The following PHF24 variants were observed in gnomAD, a reference collection of about 807,000 sequenced individuals.
PHF24 encodes Galpha inhibitory interacting protein.
A neutral mutation model predicts 42.6 loss-of-function variants in PHF24; 25 were observed. The ratio of observed to expected loss-of-function variants is 0.59; its 90% confidence interval spans 0.43 to 0.82. PHF24 has a LOEUF of 0.82. Ranked by LOEUF, PHF24 falls within the 40% of genes least tolerant of loss-of-function variation. PHF24 has a pLI of 0.00. For synonymous variants in PHF24, 185 were observed against 204.8 expected (o/e 0.90, Z 0.83); for missense variants, 470 against 538.1 (o/e 0.87, Z 1.25).
chr9:34,683,181 C>T, the PHF24 span, among the ~76,000 whole-genome samples: 1 of 152,024 alleles, frequency 6.6e-6, no homozygotes, highest in Non-Finnish European at 1.5e-5. Context: ...CTGCCTCAGC[C>T]TCCCAAGTAG....
At chr9:34,680,864 C>T in the PHF24 span, 1 of 152,108 alleles carries the variant, frequency 6.6e-6, no homozygotes, top group Admixed American at 6.5e-5. Context: ...TTCACTGACT[C>T]CTCTTTTCTT....
At chr9:34,770,051 GATTA>G in the PHF24 span, among the ~76,000 whole-genome samples, 2 of 152,068 alleles carry the variant, frequency 1.3e-5, no homozygotes, top group Admixed American at 6.6e-5. Flanking sequence ...TAAAATAAAG[GATTA>G]ATTTATTCTA....
At chr9:34,710,596 G>A in the PHF24 span, among the ~76,000 whole-genome samples, 1 of 151,184 alleles carries the variant, frequency 6.6e-6, no homozygotes, top group Non-Finnish European at 1.5e-5. Context: ...ACCTCCCCAG[G>A]AGCTGGGACT....
rs554068867 is a variant in PHF24 at position 34,958,701 on chromosome 9, G to A, written c.-5+300G>A. ...GGGACTGGCCCCAGAGAGCCCTTCT[G>A]TGTCACTGTGGGAGCAGGCACAAGG... is the stretch of plus-strand genomic sequence containing the variant. On this transcript the variant is annotated intron_variant, in intron 1 of 7. Coordinates refer to ENST00000242315, the Ensembl canonical transcript of PHF24. The surrounding 1 kb of genome is among the most constrained non-coding windows in gnomAD (Gnocchi z 4.5). Among the ~76,000 whole-genome samples the A allele has an allele frequency of 6.9e-4, 105 of 152,308 alleles. No individual in the cohort carries two copies. The South Asian group carries it at 0.017, about 24-fold the overall frequency.
chr9:34,922,201 C>T, the PHF24 span: 1 of 1,590,018 alleles, frequency 6.3e-7, no homozygotes, highest in African/African-American at 1.3e-5. Context: ...TCCCCTCCTT[C>T]TCCTGCTTCA....
the PHF24 span, among the ~76,000 whole-genome samples, chr9:34,804,713 C>A: frequency 6.6e-6 from 1 of 152,164 alleles, no homozygotes; most frequent in Non-Finnish European, 1.5e-5. Flanking sequence ...ATTTATTGAG[C>A]TATAATATAC....
the PHF24 span, among the ~76,000 whole-genome samples, chr9:34,742,811 A>G: frequency 6.6e-6 from 1 of 152,180 alleles, no homozygotes; most frequent in Non-Finnish European, 1.5e-5. Context: ...GCATTTTAAA[A>G]TAGTCACACT....
chr9:34,949,686 C>T, the PHF24 span, among the ~76,000 whole-genome samples: 5 of 152,142 alleles, frequency 3.3e-5, no homozygotes, highest in South Asian at 2.1e-4. Flanking sequence ...AGAATGAGTT[C>T]GTGTCCTTTG....
At chr9:34,689,311 A>G in the PHF24 span, among the ~76,000 whole-genome samples, 77 of 152,138 alleles carry the variant, frequency 5.1e-4, no homozygotes, top group Non-Finnish European at 9.8e-4. This position sits in a 1 kb window ranked among gnomAD's most constrained non-coding sequence, Gnocchi z 4.1. Context: ...AGTGTCGCTG[A>G]ACTATGGAAA....
the PHF24 span, among the ~76,000 whole-genome samples, chr9:34,913,906 G>T: frequency 6.6e-6 from 1 of 152,158 alleles, no homozygotes; most frequent in African/African-American, 2.4e-5. Context: ...GTGGGAGAAG[G>T]AGTGTTAAAA....
At chr9:34,690,381 T>C in the PHF24 span, 3 of 1,601,416 alleles carry the variant, frequency 1.9e-6, no homozygotes, top group South Asian at 2.2e-5. Flanking sequence ...ACAGGGACCC[T>C]TGAGGGTGGC....
the PHF24 span, among the ~76,000 whole-genome samples, chr9:34,796,422 T>TAA: frequency 3.8e-4 from 58 of 150,900 alleles, no homozygotes; most frequent in South Asian, 1.3e-3. Context: ...TTAAAAAATT[T>TAA]AAAAAAAAAC....
the PHF24 span, among the ~76,000 whole-genome samples, chr9:34,912,733 A>G: frequency 2.0e-5 from 3 of 152,250 alleles, no homozygotes; most frequent in African/African-American, 7.2e-5. Context: ...TAAAATAACA[A>G]CAACCAACAT....
chr9:34,891,892 C>G, the PHF24 span, among the ~76,000 whole-genome samples: 6 of 152,102 alleles, frequency 3.9e-5, no homozygotes, highest in Non-Finnish European at 5.9e-5. Flanking sequence ...TTTCACTTAG[C>G]CTGAGTCAGA....
chr9:34,751,219 G>C, the PHF24 span, among the ~76,000 whole-genome samples: 1 of 152,052 alleles, frequency 6.6e-6, no homozygotes, highest in Non-Finnish European at 1.5e-5. Flanking sequence ...ACAAAAATTA[G>C]CCAGGCATGG....
chr9:34,756,548 C>G, the PHF24 span, among the ~76,000 whole-genome samples: 1 of 152,082 alleles, frequency 6.6e-6, no homozygotes, highest in Admixed American at 6.5e-5. Flanking sequence ...TTTCTTGGTT[C>G]TCTAGTCTGT....
the PHF24 span, among the ~76,000 whole-genome samples, chr9:34,815,246 C>T: frequency 6.6e-6 from 1 of 152,308 alleles, no homozygotes; most frequent in East Asian, 1.9e-4. Flanking sequence ...AGCTATGTCA[C>T]CTTAAAAATG....
the PHF24 span, among the ~76,000 whole-genome samples, chr9:34,707,752 A>C: frequency 6.6e-6 from 1 of 150,904 alleles, no homozygotes; most frequent in East Asian, 2.0e-4. Context: ...CCTGAAATGG[A>C]GTCTTGCTCT....
intron 1 of PHF24, among the ~76,000 whole-genome samples, chr9:34,960,890 A>G (rs1241610745): frequency 6.6e-6 from 1 of 152,192 alleles, no homozygotes; most frequent in Non-Finnish European, 1.5e-5. Context: ...CTTCTCAAAA[A>G]TGCTCTCTCC....
Sources: allele counts gnomAD v4.1 joint callset (sites outside exome capture counted in the v4.1 genomes callset), GRCh38; gene constraint gnomAD v4.1.1; non-coding constraint Gnocchi (gnomAD v3.1); transcripts MANE v1.5; gene names NCBI Gene and HGNC (gene_info 2026-07-23, HGNC 2026-07-21).